The following AGBL4 variants were observed in gnomAD, a reference collection of about 807,000 sequenced individuals.
AGBL4 encodes the protein cytosolic carboxypeptidase 6.
Under a neutral mutation model 66.4 loss-of-function variants are expected in AGBL4, and 58 were observed. The observed-to-expected ratio is 0.87, with a 90% CI of 0.71 to 1.09. AGBL4 has a LOEUF of 1.09. Among genes scored for constraint, AGBL4 ranks in the 50% least tolerant of loss-of-function variants. The pLI is 0.00. For missense variants in AGBL4, 579 were observed against 631.0 expected (o/e 0.92, Z 0.88); for synonymous variants, 234 against 222.9 (o/e 1.05, Z -0.44).
chr1:48,727,824 C>T, intron 6 of AGBL4: 1 of 1,487,228 alleles, frequency 6.7e-7, no homozygotes, highest in Non-Finnish European at 9.3e-7. Context: ...TGGACGGCAC[C>T]ATCGCTCGCA....
chr1:49,611,686 C>CAT (rs1161821555), intron 3 of AGBL4, among the ~76,000 whole-genome samples: 3 of 152,068 alleles, frequency 2.0e-5, no homozygotes, highest in African/African-American at 7.2e-5. Flanking sequence ...CAGTATCAAC[C>CAT]ATATTCTTAG....
At chr1:49,284,170 T>C (rs541504923) in intron 3 of AGBL4, among the ~76,000 whole-genome samples, 1 of 152,276 alleles carries the variant, frequency 6.6e-6, no homozygotes, top group South Asian at 2.1e-4. Context: ...CAGCAGCGGA[T>C]CTCTCGGCAG....
At chr1:50,012,583 C>G (rs1661633029) in intron 1 of AGBL4, among the ~76,000 whole-genome samples, 1 of 152,094 alleles carries the variant, frequency 6.6e-6, no homozygotes, top group African/African-American at 2.4e-5. Flanking sequence ...AATAATTTAT[C>G]TATCCTCCTG....
At chr1:49,548,630 T>G (rs1652700485) in intron 3 of AGBL4, among the ~76,000 whole-genome samples, 1 of 152,254 alleles carries the variant, frequency 6.6e-6, no homozygotes, top group African/African-American at 2.4e-5. Context: ...TGAAACCCAC[T>G]TGATCATGGT....
rs3934240 is a variant in AGBL4, at chr1:49,045,752, A to G, written c.426T>C (p.His142=). 0.22 allele frequency: 343,367 copies of G among 1,551,532 alleles called. 40,028 individuals are homozygous for G. The highest frequency in any genetic ancestry group is 0.38 in the East Asian group (15,620 of 40,908). ...KNVYYYRCPD[H]RKNYVMSFAF... Reference sequence around the variant, plus strand: ...CAAAGGACATCACATAGTTCTTCCTATGGTCCGGGCAGCGGTAGTAGTAAA... The same window carrying G: ...CAAAGGACATCACATAGTTCTTCCTGTGGTCCGGGCAGCGGTAGTAGTAAA... Residue 142 remains histidine (H), a synonymous_variant, in exon 5 of 14, where the codon CAT becomes CAC. Coordinates refer to ENST00000371839, the MANE Select transcript of AGBL4 (RefSeq NM_032785.4).
chr1:49,516,340 G>A lies in AGBL4; in HGVS notation c.282+180973C>T, dbSNP rs188520246. On this transcript the variant is annotated intron_variant, in intron 3 of 13. Coordinates refer to ENST00000371839, the MANE Select transcript of AGBL4 (RefSeq NM_032785.4). ...AACTAATTCAGCCTGGAAGATCAAG[G>A]GAGGTTCTCCAAAGAAGGTAACAAC... 2.6e-5 allele frequency among the ~76,000 whole-genome samples: 4 copies of A among 152,104 alleles called. No individual in the cohort carries two copies. The East Asian group carries it at 7.7e-4, about 29-fold the overall frequency.
At chr1:49,574,425 C>A (rs1644394933) in intron 3 of AGBL4, among the ~76,000 whole-genome samples, 1 of 152,054 alleles carries the variant, frequency 6.6e-6, no homozygotes, top group African/African-American at 2.4e-5. Context: ...GCCTGATCTC[C>A]CTTGGTTTAA....
intron 4 of AGBL4, among the ~76,000 whole-genome samples, chr1:49,102,928 G>A (rs1468739509): frequency 1.3e-5 from 2 of 152,188 alleles, no homozygotes; most frequent in Non-Finnish European, 2.9e-5. Flanking sequence ...AGATTTTTCT[G>A]AGGCCCATTC....
intron 2 of AGBL4, among the ~76,000 whole-genome samples, chr1:49,812,986 G>T (rs1557471729): frequency 6.6e-6 from 1 of 152,134 alleles, no homozygotes; most frequent in Non-Finnish European, 1.5e-5. Flanking sequence ...AAGATTTAAT[G>T]AACTAAAAAG....
chr1:49,349,883 A>C (rs1019516302), intron 3 of AGBL4, among the ~76,000 whole-genome samples: 2 of 152,200 alleles, frequency 1.3e-5, no homozygotes, highest in Non-Finnish European at 2.9e-5. Context: ...ACGCATGTGC[A>C]CAGAGAAAAG....
chr1:48,926,503 A>G (rs1240282122), intron 5 of AGBL4, among the ~76,000 whole-genome samples: 1 of 150,438 alleles, frequency 6.6e-6, no homozygotes, highest in Non-Finnish European at 1.5e-5. Context: ...TGGCCAGGCT[A>G]GTCTCAAACT....
chr1:48,867,240 A>G lies in AGBL4; in HGVS notation c.595-10T>C, dbSNP rs1345933818. 1 of 1,613,304 alleles carries G rather than the reference A, an allele frequency of 6.2e-7. No individual in the cohort carries two copies. The highest frequency in any genetic ancestry group is 8.5e-7 in the Non-Finnish European group (1 of 1,179,658). ...CAAGCTTTCGTTGTTGCTGCAAAAG[A>G]AAACACACTGTGAGGGCACTGATTT... On this transcript the variant is annotated splice_polypyrimidine_tract_variant and intron_variant, in intron 5 of 13. Coordinates refer to ENST00000371839, the MANE Select transcript of AGBL4 (RefSeq NM_032785.4).
chr1:48,818,784 A>C (rs540896328), intron 6 of AGBL4, among the ~76,000 whole-genome samples: 1 of 152,314 alleles, frequency 6.6e-6, no homozygotes, highest in East Asian at 1.9e-4. Context: ...CAGCCTGGAA[A>C]GAAATACATC....
chr1:49,828,089 T>C (rs1489703615), intron 2 of AGBL4, among the ~76,000 whole-genome samples: 1 of 152,090 alleles, frequency 6.6e-6, no homozygotes, highest in Non-Finnish European at 1.5e-5. Context: ...TATGAACAGA[T>C]GCCTGTTACC....
intron 1 of AGBL4, among the ~76,000 whole-genome samples, chr1:49,864,065 T>A (rs1175633710): frequency 6.6e-6 from 1 of 151,976 alleles, no homozygotes. Context: ...ATATACACAA[T>A]GGAGTATTAT....
chr1:49,201,896 T>A (rs1403826598), intron 4 of AGBL4, among the ~76,000 whole-genome samples: 1 of 152,106 alleles, frequency 6.6e-6, no homozygotes, highest in Non-Finnish European at 1.5e-5. Context: ...AGAGCACATG[T>A]ATATACGAAA....
At chr1:48,691,461 T>A (rs992770779) in intron 6 of AGBL4, among the ~76,000 whole-genome samples, 1 of 152,026 alleles carries the variant, frequency 6.6e-6, no homozygotes, top group South Asian at 2.1e-4. Flanking sequence ...AGGAAGAGTA[T>A]TCAGAAAGGC....
At chr1:48,625,288 C>G (rs778793795) in intron 9 of AGBL4, among the ~76,000 whole-genome samples, 24 of 152,078 alleles carry the variant, frequency 1.6e-4, no homozygotes, top group Non-Finnish European at 4.4e-5. Flanking sequence ...ACCTCAGCCT[C>G]TCAAAATGCT....
At chr1:49,212,694 C>T (rs963702981) in intron 4 of AGBL4, among the ~76,000 whole-genome samples, 2 of 152,082 alleles carry the variant, frequency 1.3e-5, no homozygotes, top group Non-Finnish European at 2.9e-5. Context: ...TCACTGATGA[C>T]CACACCCTTG....
Sources: gnomAD v4.1 joint callset for allele counts (sites outside exome capture counted in the v4.1 genomes callset) on GRCh38, gnomAD v4.1.1 for gene constraint, MANE v1.5 for transcripts, NCBI Gene and HGNC (gene_info 2026-07-23, HGNC 2026-07-21) for gene names.